CSMD1: variants seen among roughly 807,000 people sequenced by gnomAD.
CSMD1 encodes the protein CUB and Sushi multiple domains 1, also known as CUB and sushi domain-containing protein 1.
In CSMD1, 213 loss-of-function variants were observed where a neutral mutation model predicts 417.5. That is an observed-to-expected ratio of 0.51 (90% CI 0.46 to 0.57). CSMD1 has a LOEUF of 0.57. Among genes scored for constraint, CSMD1 ranks in the 20% least tolerant of loss-of-function variants. The pLI is 0.00. For synonymous variants in CSMD1, 2,862 were observed against 1,736.8 expected (o/e 1.65, Z -16.11); for missense variants, 6,923 against 4,529.7 (o/e 1.53, Z -15.17).
intron 3 of CSMD1, among the ~76,000 whole-genome samples, chr8:4,113,573 T>G (rs1801973893): frequency 6.6e-6 from 1 of 151,960 alleles, no homozygotes; most frequent in Non-Finnish European, 1.5e-5. Flanking sequence ...CCTGGCTAAT[T>G]TTCTGTTATT....
At chr8:3,989,520 T>G (rs11783301) in intron 5 of CSMD1, among the ~76,000 whole-genome samples, 28,627 of 152,206 alleles carry the variant, frequency 0.19, 2,962 homozygotes, top group East Asian at 0.37. Flanking sequence ...CTCCACAGGG[T>G]AGGATAAAGC....
chr8:3,771,899 T>C (rs1348738697), intron 5 of CSMD1, among the ~76,000 whole-genome samples: 3 of 152,000 alleles, frequency 2.0e-5, no homozygotes, highest in African/African-American at 7.2e-5. Context: ...CTGACCCAGA[T>C]ATGAGCAGGA....
At chr8:4,984,925 C>T (rs1480890259) in intron 1 of CSMD1, among the ~76,000 whole-genome samples, 2 of 152,140 alleles carry the variant, frequency 1.3e-5, no homozygotes, top group East Asian at 1.9e-4. Context: ...GGCACATATG[C>T]ATCCGGAAGA....
At chr8:3,487,323 T>G (rs1025006652) in intron 11 of CSMD1, among the ~76,000 whole-genome samples, 1 of 152,122 alleles carries the variant, frequency 6.6e-6, no homozygotes, top group Non-Finnish European at 1.5e-5. Flanking sequence ...TGCCTCAGCC[T>G]CCCAAGTAGA....
intron 3 of CSMD1, among the ~76,000 whole-genome samples, chr8:4,380,397 G>C (rs1004487186): frequency 6.6e-6 from 1 of 152,146 alleles, no homozygotes; most frequent in African/African-American, 2.4e-5. Context: ...GTCAACACAT[G>C]AGGAAAACAT....
intron 23 of CSMD1, among the ~76,000 whole-genome samples, chr8:3,314,048 C>T (rs1361875074): frequency 1.3e-5 from 2 of 151,758 alleles, no homozygotes; most frequent in Non-Finnish European, 2.9e-5. Flanking sequence ...CATGTTCTCA[C>T]TCATAGGTGG....
Position 4,291,723 on chromosome 8 carries a change from C to G in CSMD1, c.415+128230G>C, listed in dbSNP as rs913927342. ...GTAAAATTCATAAACCCAGTCTAAT[C>G]AGTTATATGCGGAGACAAAAGTTAA... is the stretch of plus-strand genomic sequence containing the variant. On this transcript the variant is annotated intron_variant, in intron 3 of 69. Transcript: ENST00000635120. 2.6e-5 allele frequency among the ~76,000 whole-genome samples: 4 copies of G among 152,138 alleles called. No individual in the cohort carries two copies. In the South Asian group the frequency reaches 8.3e-4, roughly 31 times the overall value.
intron 5 of CSMD1, among the ~76,000 whole-genome samples, chr8:3,915,038 T>G (rs1302762332): frequency 6.6e-6 from 1 of 151,976 alleles, no homozygotes; most frequent in East Asian, 1.9e-4. Flanking sequence ...TACAAACACA[T>G]CCAGGGATAC....
Position 4,762,743 on chromosome 8 carries a change from C to T in CSMD1, c.86-125185G>A, listed in dbSNP as rs1812199127. On this transcript the variant is annotated intron_variant, in intron 1 of 69. Coordinates refer to ENST00000635120, the MANE Select transcript of CSMD1 (RefSeq NM_033225.6). ...CTATTGTGCTTCCTCCATCTCAATTCAGTGCTCCTGCAGCCTGAATCTCCT... is the reference window on the plus strand; with the variant it reads ...CTATTGTGCTTCCTCCATCTCAATTTAGTGCTCCTGCAGCCTGAATCTCCT... Among the ~76,000 whole-genome samples, 4 of 152,116 alleles carry T rather than the reference C, an allele frequency of 2.6e-5. No individual in the cohort carries two copies. In the South Asian group the frequency reaches 8.3e-4, roughly 32 times the overall value.
In CSMD1 at chr8:4,185,138, C is replaced by CA. The variant is rs56216926; in HGVS notation, c.416-153040dup. 1.3e-3 allele frequency among the ~76,000 whole-genome samples: 98 copies of CA among 75,062 alleles called. 1 individual carries two copies. Among genetic ancestry groups the CA allele is most frequent in the African/African-American group, 4.4e-3 (81 of 18,412 alleles). 49.2% of individuals were successfully genotyped at this position (75,062 alleles called of 152,430 possible). A position where few individuals can be genotyped will look rare whatever the true frequency, so the allele number is the denominator to read the frequency against. On this transcript the variant is annotated intron_variant, in intron 3 of 69. Coordinates refer to ENST00000635120, the MANE Select transcript of CSMD1 (RefSeq NM_033225.6). The stretch of plus-strand genomic sequence containing the variant: ...TGGGCACCTGAGTGAAATTTTGCCT[C>CA]AAAAAAAAAAAAAAAAAAAAAAAAG...
chr8:3,604,334 G>T (rs1047842549), intron 8 of CSMD1, among the ~76,000 whole-genome samples: 2 of 152,160 alleles, frequency 1.3e-5, no homozygotes, highest in Admixed American at 1.3e-4. Context: ...AGATTGTGTG[G>T]CCAGGAAGTA....
At chr8:4,247,262 C>A (rs931610651) in intron 3 of CSMD1, among the ~76,000 whole-genome samples, 1 of 152,098 alleles carries the variant, frequency 6.6e-6, no homozygotes, top group African/African-American at 2.4e-5. Flanking sequence ...GTACAATGAC[C>A]AAAGACAAAA....
At chr8:3,614,354 C>A (rs918575215) in intron 8 of CSMD1, among the ~76,000 whole-genome samples, 1 of 151,500 alleles carries the variant, frequency 6.6e-6, no homozygotes, top group Admixed American at 6.6e-5. Context: ...ACACCGCCCC[C>A]CGAGCCAGAT....
At chr8:4,048,989 G>A (rs1798287242) in intron 3 of CSMD1, among the ~76,000 whole-genome samples, 1 of 152,088 alleles carries the variant, frequency 6.6e-6, no homozygotes, top group African/African-American at 2.4e-5. Context: ...CTCTAAGGTT[G>A]ATACAAAGAG....
chr8:4,549,532 C>T (rs1405553980), intron 2 of CSMD1, among the ~76,000 whole-genome samples: 2 of 151,974 alleles, frequency 1.3e-5, no homozygotes, highest in Non-Finnish European at 2.9e-5. Context: ...TCCTCCCTAC[C>T]CAAGAAAGAC....
intron 12 of CSMD1, among the ~76,000 whole-genome samples, chr8:3,466,835 C>G (rs1330110498): frequency 6.6e-6 from 1 of 152,110 alleles, no homozygotes; most frequent in Non-Finnish European, 1.5e-5. Context: ...ACTTTGTCTT[C>G]AACTGTTAGC....
At chr8:4,782,318 T>C (rs1797194098) in intron 1 of CSMD1, among the ~76,000 whole-genome samples, 1 of 152,252 alleles carries the variant, frequency 6.6e-6, no homozygotes, top group Admixed American at 6.5e-5. Context: ...TACCTTGATT[T>C]GATCATAACA....
chr8:4,549,714 C>T (rs1797781375), intron 2 of CSMD1, among the ~76,000 whole-genome samples: 1 of 151,566 alleles, frequency 6.6e-6, no homozygotes, highest in African/African-American at 2.4e-5. Context: ...CATGGCAAAA[C>T]CCCGTCTCTA....
chr8:3,338,866 G>C (rs1807452257), intron 23 of CSMD1, among the ~76,000 whole-genome samples: 1 of 148,030 alleles, frequency 6.8e-6, no homozygotes, highest in Non-Finnish European at 1.5e-5. Flanking sequence ...TTAAGTTTTA[G>C]GGTACATGTG....
Sources: gnomAD v4.1 joint callset for allele counts (sites outside exome capture counted in the v4.1 genomes callset) on GRCh38, gnomAD v4.1.1 for gene constraint, MANE v1.5 for transcripts, NCBI Gene and HGNC (gene_info 2026-07-23, HGNC 2026-07-21) for gene names.